XPO4: variants seen among roughly 807,000 people sequenced by gnomAD.
XPO4 encodes the protein exportin-4.
In XPO4, 39 loss-of-function variants were observed where a neutral mutation model predicts 143.0. The ratio of observed to expected loss-of-function variants is 0.27; its 90% CI spans 0.21 to 0.36. The LOEUF (loss-of-function observed/expected upper bound fraction) is 0.36, where lower values mean the gene tolerates loss of function less well. XPO4 is among the 10% of genes least tolerant of loss of function. The pLI, the probability that XPO4 is intolerant of heterozygous loss-of-function variation, is 1.00. For synonymous variants in XPO4, 439 were observed against 474.0 expected (o/e 0.93, Z 0.96); for missense variants, 907 against 1,348.0 (o/e 0.67, Z 5.12).
intron 7 of XPO4, 36 bp downstream of exon 7, chr13:20,827,031 T>C (rs375304732): frequency 1.8e-5 from 26 of 1,443,208 alleles, no homozygotes; most frequent in South Asian, 2.3e-5. Flanking sequence ...CTCTTTTCTA[T>C]GGCTCTTGCT....
chr13:20,796,297 A>G (rs2059357734), intron 17 of XPO4, 41 bp from the exon 18 acceptor site: 7 of 1,407,638 alleles, frequency 5.0e-6, no homozygotes, highest in Non-Finnish European at 6.5e-6. Flanking sequence ...TACTTGGTAC[A>G]CTGACATTAA....
intron 1 of XPO4, among the ~76,000 whole-genome samples, chr13:20,882,382 G>C (rs536365585): frequency 1.4e-4 from 22 of 152,250 alleles, no homozygotes; most frequent in African/African-American, 4.8e-4. Context: ...GGGAGAGCCA[G>C]CATATCATAT....
chr13:20,792,945 G>A (rs894213928), intron 18 of XPO4, among the ~76,000 whole-genome samples: 23 of 151,536 alleles, frequency 1.5e-4, no homozygotes, highest in African/African-American at 5.6e-4. Context: ...GCACCACCAT[G>A]CCCGGCTAAT....
Position 20,855,782 on chromosome 13 carries a change from T to C in XPO4, c.318-17A>G. 1 of 1,561,430 alleles carries C rather than the reference T, an allele frequency of 6.4e-7. No individual in the cohort carries two copies. Among genetic ancestry groups the C allele is most frequent in the Non-Finnish European group, 8.6e-7 (1 of 1,160,150 alleles). ...TTTTGAAGGCTGTAAAACATAAAAA[T>C]CATTGTGAAAAATTTACCTAAATCT... is the stretch of plus-strand genomic sequence containing the variant. On this transcript the variant is annotated splice_polypyrimidine_tract_variant and intron_variant, in intron 3 of 22. Coordinates refer to ENST00000255305, the MANE Select transcript of XPO4 (RefSeq NM_022459.5).
intron 18 of XPO4, among the ~76,000 whole-genome samples, chr13:20,793,640 G>A (rs1222224316): frequency 1.3e-5 from 2 of 152,122 alleles, no homozygotes; most frequent in Middle Eastern, 3.4e-3. Context: ...TGCAAGCTCC[G>A]CCTCCCTGGT....
At chr13:20,865,348 G>T in intron 2 of XPO4, 1 of 407,618 alleles carries the variant, frequency 2.5e-6, no homozygotes, top group Non-Finnish European at 3.3e-6. Context: ...TGTTGGTCAG[G>T]TTGGTCTCAA....
chr13:20,828,406 A>G (rs1038343758), intron 6 of XPO4, among the ~76,000 whole-genome samples: 1 of 152,230 alleles, frequency 6.6e-6, no homozygotes, highest in Non-Finnish European at 1.5e-5. Flanking sequence ...TTCAAATACT[A>G]TATTTTGAGT....
chr13:20,796,963 G>A lies in XPO4; in HGVS notation c.2417C>T (p.Thr806Ile). 1.2e-6 allele frequency: 2 copies of A among 1,613,844 alleles called. No homozygotes were observed. Among genetic ancestry groups the A allele is most frequent in the Non-Finnish European group, 1.7e-6 (2 of 1,179,870 alleles). ...GCCACACAGGGCCTCTAGTGTGGCA[G>A]TGATTTCCTGCTTGACTTCCTCTTG... ...CQQEEVKQEI[T>I]ATLEALCGIA... The change falls in exon 17 of 23, where the codon ACT becomes ATT. Residue 806 changes from threonine to isoleucine, a missense_variant. Transcript: ENST00000255305.
intron 1 of XPO4, among the ~76,000 whole-genome samples, chr13:20,891,776 T>C (rs540694384): frequency 1.3e-5 from 2 of 151,528 alleles, no homozygotes; most frequent in East Asian, 2.0e-4. Context: ...GGCAGGAGAA[T>C]TGCTTGAACC....
At chr13:20,851,384 T>A (rs2060084356) in intron 4 of XPO4, 1 of 985,304 alleles carries the variant, frequency 1.0e-6, no homozygotes, top group South Asian at 4.7e-5. Flanking sequence ...TATACTGATT[T>A]CCTACTATTA....
At chr13:20,824,603 T>C (rs1176752745) in intron 7 of XPO4, among the ~76,000 whole-genome samples, 1 of 152,210 alleles carries the variant, frequency 6.6e-6, no homozygotes, top group Non-Finnish European at 1.5e-5. Context: ...TTTTATACAA[T>C]ATAAATTCTT....
At position 20,847,015 on chromosome 13, in the gene XPO4, A is replaced by T. The variant is rs376426951; in HGVS notation, c.457-3129T>A. ...CGATTATCAGCTTCCAAAGAACTAA[A>T]ATTCAATAGGATATTTTCATCATTA... On this transcript the variant is annotated intron_variant, in intron 4 of 22. Transcript: ENST00000255305. 8.8e-4 allele frequency among the ~76,000 whole-genome samples: 134 copies of T among 152,304 alleles called. 3 individuals are homozygous for T. In the South Asian group the frequency reaches 0.026, roughly 30 times the overall value.
intron 1 of XPO4, among the ~76,000 whole-genome samples, chr13:20,898,613 A>C (rs2060591183): frequency 6.6e-6 from 1 of 152,142 alleles, no homozygotes; most frequent in South Asian, 2.1e-4. Context: ...ATAATGTATC[A>C]GTTAATATGT....
At chr13:20,865,968 T>C in intron 2 of XPO4, 1 of 925,766 alleles carries the variant, frequency 1.1e-6, no homozygotes, top group Non-Finnish European at 1.3e-6. Flanking sequence ...TTTTGTTTTG[T>C]TTTGGCACTT....
intron 1 of XPO4, among the ~76,000 whole-genome samples, chr13:20,897,796 C>T (rs982269040): frequency 5.3e-5 from 8 of 152,144 alleles, no homozygotes; most frequent in African/African-American, 1.2e-4. Context: ...GCTCTACAGC[C>T]CAGGCTGGAG....
chr13:20,794,169 T>TA (rs1185443914), intron 18 of XPO4, among the ~76,000 whole-genome samples: 1 of 152,136 alleles, frequency 6.6e-6, no homozygotes, highest in African/African-American at 2.4e-5. Flanking sequence ...CTGTAGTACT[T>TA]AAGTAGGTAG....
intron 15 of XPO4, among the ~76,000 whole-genome samples, chr13:20,799,718 T>C (rs1201143957): frequency 6.6e-6 from 1 of 152,208 alleles, no homozygotes; most frequent in Non-Finnish European, 1.5e-5. Context: ...ATAATAACAA[T>C]GATACTCCTA....
intron 7 of XPO4, among the ~76,000 whole-genome samples, chr13:20,826,484 T>C (rs1364755786): frequency 6.6e-6 from 1 of 152,232 alleles, no homozygotes; most frequent in Non-Finnish European, 1.5e-5. Flanking sequence ...CCATTCTCAC[T>C]GTCACACAGG....
In XPO4 at chr13:20,844,037, G is replaced by T; in HGVS notation, c.457-151C>A. ...CTTATAACAACTAGTCAGAAAATCA[G>T]ATATGACAAAATAAATATTAGCTCT... On this transcript the variant is annotated intron_variant, in intron 4 of 22. Transcript: ENST00000255305. The T allele has an allele frequency of 6.3e-6, 4 of 636,464 alleles. No individual in the cohort carries two copies. In the South Asian group the frequency reaches 7.7e-5, roughly 12 times the overall value. The allele number at this position is 636,464 out of a possible 1,614,324, so 39.4% of individuals were successfully genotyped here. A position where few individuals can be genotyped will look rare whatever the true frequency, so the allele number is the denominator to read the frequency against.
Sources: allele counts gnomAD v4.1 joint callset (sites outside exome capture counted in the v4.1 genomes callset), GRCh38; gene constraint gnomAD v4.1.1; transcripts MANE v1.5; gene names NCBI Gene and HGNC (gene_info 2026-07-23, HGNC 2026-07-21).